The following CD6 variants were observed in gnomAD, a reference collection of about 807,000 sequenced individuals.
The protein encoded by CD6 is CD6 molecule, also known as T-cell differentiation antigen CD6.
Under a neutral mutation model 75.3 loss-of-function variants are expected in CD6, and 53 were observed. The ratio of observed to expected loss-of-function variants is 0.70; its 90% CI spans 0.56 to 0.88. CD6 has a LOEUF of 0.88. CD6 is among the 40% of genes least tolerant of loss of function. The pLI is 0.00. For synonymous variants in CD6, 359 were observed against 381.5 expected (o/e 0.94, Z 0.69); for missense variants, 770 against 897.1 (o/e 0.86, Z 1.81).
intron 1 of CD6, among the ~76,000 whole-genome samples, chr11:60,986,521 A>C (rs1408672743): frequency 2.6e-5 from 4 of 152,288 alleles, no homozygotes; most frequent in Admixed American, 1.3e-4. Flanking sequence ...TTCCCTGAAG[A>C]TCTCTATGGA....
chr11:61,012,482 A>G (rs1287612146), intron 6 of CD6, among the ~76,000 whole-genome samples: 8 of 152,094 alleles, frequency 5.3e-5, no homozygotes, highest in Admixed American at 5.2e-4. Context: ...GCAGACAGAG[A>G]GGGGAGAGGA....
At chr11:61,010,975 C>A in intron 5 of CD6, 95 bp from the exon 6 acceptor site, 1 of 1,133,560 alleles carries the variant, frequency 8.8e-7, no homozygotes, top group Non-Finnish European at 1.3e-6. Flanking sequence ...AGTTCTGGGT[C>A]ACTTGTCTGT....
intron 12 of CD6, chr11:61,018,844 C>A: frequency 4.1e-6 from 1 of 244,130 alleles, no homozygotes; most frequent in South Asian, 1.2e-4. Flanking sequence ...AACACAAGCA[C>A]AACAAGAATA....
At chr11:61,017,182 G>T in intron 9 of CD6, 1 of 408,164 alleles carries the variant, frequency 2.4e-6, no homozygotes, top group South Asian at 2.8e-5. Flanking sequence ...CAGGTCACAA[G>T]GACAGAACCA....
At chr11:60,972,822 G>A (rs1857237724) in intron 1 of CD6, among the ~76,000 whole-genome samples, 1 of 152,120 alleles carries the variant, frequency 6.6e-6, no homozygotes, top group Admixed American at 6.5e-5. Flanking sequence ...TGGAGGACTG[G>A]GTACATGTCG....
At chr11:61,011,004 C>A in intron 5 of CD6, 66 bp from the exon 6 acceptor site, 1 of 1,447,140 alleles carries the variant, frequency 6.9e-7, no homozygotes. Flanking sequence ...GTTTCTAACC[C>A]AAGGCCTGGC....
chr11:61,006,337 T>G (rs929713684), intron 1 of CD6, among the ~76,000 whole-genome samples: 3 of 152,188 alleles, frequency 2.0e-5, no homozygotes, highest in African/African-American at 7.2e-5. Context: ...CTACTCCGAT[T>G]TCTGAAGCTG....
chr11:61,020,173 C>T lies in CD6; in HGVS notation c.*855C>T, dbSNP rs1859604923. 1 of 398,562 alleles carries T rather than the reference C, an allele frequency of 2.5e-6. No individual in the cohort carries two copies. Among genetic ancestry groups the T allele is most frequent in the Admixed American group, 4.4e-5 (1 of 22,722 alleles). The allele number at this position is 398,562 out of a possible 1,614,324, so 24.7% of individuals were successfully genotyped here. A position where few individuals can be genotyped will look rare whatever the true frequency, so the allele number is the denominator to read the frequency against. On this transcript the variant is annotated 3_prime_UTR_variant, in exon 13 of 13. Coordinates refer to ENST00000313421, the MANE Select transcript of CD6 (RefSeq NM_006725.5). ...CATAGAGATGTTTTCCAGGAAGGGG[C>T]TCAGAAGCTGCACTAGGCCCCGAGT...
Position 61,011,177 on chromosome 11 carries a change from A to ATGTGTGTGTGTG in CD6, c.1150+42_1150+43insTGTGTGTGTGTG, listed in dbSNP as rs748002885. 20 of 647,826 alleles carry ATGTGTGTGTGTG rather than the reference A, an allele frequency of 3.1e-5. No homozygotes were observed. The East Asian group carries it at 1.1e-3, about 36-fold the overall frequency. 40.1% of individuals were successfully genotyped at this position (647,826 alleles called of 1,614,324 possible). A position where few individuals can be genotyped will look rare whatever the true frequency, so the allele number is the denominator to read the frequency against. ...ACTACGCGGTTTCTCAGAAGCTTGG[A>ATGTGTGTGTGTG]CGTGTGTGTGTGTGTGTGTGTGTGT... On this transcript the variant is annotated intron_variant, in intron 6 of 12. Coordinates refer to ENST00000313421, the MANE Select transcript of CD6 (RefSeq NM_006725.5).
At chr11:60,996,660 C>A (rs1858312813) in intron 1 of CD6, among the ~76,000 whole-genome samples, 1 of 152,194 alleles carries the variant, frequency 6.6e-6, no homozygotes, top group Non-Finnish European at 1.5e-5. Flanking sequence ...ACGCCTCTCC[C>A]AAGGTTCGGG....
At chr11:61,006,422 G>A (rs1055807440) in intron 1 of CD6, 152 bp from the exon 2 acceptor site, 5 of 609,248 alleles carry the variant, frequency 8.2e-6, no homozygotes, top group Middle Eastern at 4.4e-4. Flanking sequence ...TTGAAGGGAG[G>A]CCAATGCACC....
chr11:60,998,159 C>G (rs1397473638), intron 1 of CD6, among the ~76,000 whole-genome samples: 2 of 152,220 alleles, frequency 1.3e-5, no homozygotes, highest in Non-Finnish European at 2.9e-5. Flanking sequence ...GCTTTGATTA[C>G]TGACCAGCTG....
chr11:61,007,668 G>T lies in CD6; in HGVS notation c.227G>T (p.Ser76Ile). The change falls in exon 3 of 13, where the codon AGC becomes ATC. Residue 76 changes from serine to isoleucine, a missense_variant. Physicochemically the swap from Ser to Ile is moderately radical, Grantham distance 142. Transcript: ENST00000313421. This position sits in a 1 kb window ranked among gnomAD's most constrained non-coding sequence, Gnocchi z 4.2. ...WEPACGALWD[S>I]RAAEAVCRAL... ...CCCGCGTGCGGGGCGCTCTGGGACA[G>T]CCGCGCCGCCGAGGCCGTGTGCCGA... is the stretch of plus-strand genomic sequence containing the variant. 1.4e-6 allele frequency: 2 copies of T among 1,427,950 alleles called. No homozygotes were observed. Among genetic ancestry groups the T allele is most frequent in the African/African-American group, 3.0e-5 (2 of 66,584 alleles). 88.5% of individuals were successfully genotyped at this position (1,427,950 alleles called of 1,614,324 possible). A position where few individuals can be genotyped will look rare whatever the true frequency, so the allele number is the denominator to read the frequency against.
Position 61,020,198 on chromosome 11 carries a change from T to C in CD6, c.*880T>C. On this transcript the variant is annotated 3_prime_UTR_variant, in exon 13 of 13. Coordinates refer to ENST00000313421, the MANE Select transcript of CD6 (RefSeq NM_006725.5). ...CTCAGAAGCTGCACTAGGCCCCGAG[T>C]CCCCATGTGTCTCCTTGAATTGATG... 1 of 398,626 alleles carries C rather than the reference T, an allele frequency of 2.5e-6. No homozygotes were observed. Among genetic ancestry groups the C allele is most frequent in the Non-Finnish European group, 4.4e-6 (1 of 226,050 alleles). The allele number at this position is 398,626 out of a possible 1,614,324, so 24.7% of individuals were successfully genotyped here.
At chr11:60,974,029 T>C (rs1857281342) in intron 1 of CD6, among the ~76,000 whole-genome samples, 1 of 151,988 alleles carries the variant, frequency 6.6e-6, no homozygotes, top group Admixed American at 6.6e-5. Flanking sequence ...GAGGGCAAGG[T>C]TGACCCACAT....
At chr11:60,983,925 T>G (rs1390009343) in intron 1 of CD6, among the ~76,000 whole-genome samples, 1 of 152,226 alleles carries the variant, frequency 6.6e-6, no homozygotes, top group Non-Finnish European at 1.5e-5. Flanking sequence ...GGCCCTCATC[T>G]GGGTTGTCTG....
At chr11:61,003,682 C>T (rs549744987) in intron 1 of CD6, among the ~76,000 whole-genome samples, 4 of 152,130 alleles carry the variant, frequency 2.6e-5, no homozygotes, top group Non-Finnish European at 5.9e-5. Context: ...TGCAGTGAGC[C>T]GAGATTGTGC....
At position 61,017,963 on chromosome 11, in the gene CD6, T is replaced by C; in HGVS notation, c.1787T>C (p.Leu596Pro). ...TTTTCTTCAGAGAGGAGTTCCTTCCTGGAGCAGCCCCCAAACTTGGAGCTG... is the reference window on the plus strand; with the variant it reads ...TTTTCTTCAGAGAGGAGTTCCTTCCCGGAGCAGCCCCCAAACTTGGAGCTG... The part of the protein sequence containing the change: ...QVFSSERSSF[L>P]EQPPNLELAG... The change falls in exon 11 of 13, where the codon CTG becomes CCG. Residue 596 changes from leucine (L) to proline (P), a missense_variant. Physicochemically the swap from Leu to Pro is moderately conservative, Grantham distance 98. Coordinates refer to ENST00000313421, the MANE Select transcript of CD6 (RefSeq NM_006725.5). 6 of 1,613,260 alleles carry C rather than the reference T, an allele frequency of 3.7e-6. No individual in the cohort carries two copies. Among genetic ancestry groups the C allele is most frequent in the Non-Finnish European group, 3.4e-6 (4 of 1,179,996 alleles).
chr11:61,012,326 C>A (rs920482196), intron 6 of CD6, among the ~76,000 whole-genome samples: 10 of 152,210 alleles, frequency 6.6e-5, no homozygotes, highest in African/African-American at 2.2e-4. Flanking sequence ...CACACCCCGG[C>A]CCTTGGTCCA....
Sources: allele counts gnomAD v4.1 joint callset (sites outside exome capture counted in the v4.1 genomes callset), GRCh38; gene constraint gnomAD v4.1.1; non-coding constraint Gnocchi (gnomAD v3.1); transcripts MANE v1.5; gene names NCBI Gene and HGNC (gene_info 2026-07-23, HGNC 2026-07-21).